The following DGKI variants were observed in gnomAD, a reference collection of about 807,000 sequenced individuals.
DGKI encodes diacylglycerol kinase iota.
In DGKI, 55 loss-of-function variants were observed where a neutral mutation model predicts 147.5. That is an observed-to-expected ratio of 0.37 (90% CI 0.30 to 0.47). The LOEUF (loss-of-function observed/expected upper bound fraction) is 0.47, where lower values mean the gene tolerates loss of function less well. DGKI is among the 20% of genes least tolerant of loss of function. The probability of loss-of-function intolerance (pLI) is 1.00; values close to 1 mark genes in which losing one functional copy is unlikely to be tolerated. For synonymous variants in DGKI, 469 were observed against 477.1 expected (o/e 0.98, Z 0.22); for missense variants, 1,007 against 1,323.8 (o/e 0.76, Z 3.71).
At chr7:137,620,956 A>G (rs1820727987) in intron 7 of DGKI, among the ~76,000 whole-genome samples, 1 of 152,218 alleles carries the variant, frequency 6.6e-6, no homozygotes, top group African/African-American at 2.4e-5. Context: ...AACTGGAACA[A>G]TGTTAAAAGT....
chr7:137,767,314 G>A (rs1275728230), intron 1 of DGKI, among the ~76,000 whole-genome samples: 4 of 151,024 alleles, frequency 2.6e-5, no homozygotes, highest in Admixed American at 2.6e-4. Context: ...AGTGTCACAG[G>A]GGAAAAAAAA....
intron 1 of DGKI, chr7:137,722,088 T>C: frequency 1.3e-6 from 2 of 1,598,184 alleles, no homozygotes; most frequent in Non-Finnish European, 1.7e-6. Flanking sequence ...ACCTCAAGGC[T>C]AAAAAGCCCA....
At chr7:137,562,813 T>C (rs1458072834) in intron 19 of DGKI, among the ~76,000 whole-genome samples, 3 of 152,082 alleles carry the variant, frequency 2.0e-5, no homozygotes, top group Non-Finnish European at 4.4e-5. Context: ...AAATAGTATA[T>C]TAGGAAATTT....
chr7:137,627,755 A>T (rs1270432509), intron 6 of DGKI, among the ~76,000 whole-genome samples: 1 of 152,224 alleles, frequency 6.6e-6, no homozygotes, highest in African/African-American at 2.4e-5. Context: ...TCACCAGGCC[A>T]CCATTCTCTC....
rs777523752 is a variant in DGKI, at chr7:137,412,183, C to T, written c.2786G>A (p.Gly929Asp). Residue 929 changes from glycine (G) to aspartate (D), a missense_variant, in exon 29 of 33, where the codon GGT becomes GAT. By Grantham distance (94) the Gly-to-Asp change is moderately conservative. This residue lies in a region of DGKI where 385 missense variants were observed against 445.2 expected (regional missense o/e 0.86). Transcript: ENST00000614521. ...DHAILQAVIA[G>D]DLMKLIESYK... is the part of the protein sequence containing the mutation. ...AAGATATCTTACCTTCATAAGATCACCAGCTATTACTGCCTGCAAAATTGC... is the reference window on the plus strand; with the variant it reads ...AAGATATCTTACCTTCATAAGATCATCAGCTATTACTGCCTGCAAAATTGC... The T allele has an allele frequency of 1.9e-6, 3 of 1,613,790 alleles. No individual in the cohort carries two copies. Among genetic ancestry groups the T allele is most frequent in the Non-Finnish European group, 8.5e-7 (1 of 1,179,836 alleles).
intron 3 of DGKI, among the ~76,000 whole-genome samples, chr7:137,659,776 CA>C (rs974567732): frequency 1.3e-5 from 2 of 152,064 alleles, no homozygotes; most frequent in Non-Finnish European, 2.9e-5. Context: ...ACTAAAAATA[CA>C]AAAAAATTAG....
chr7:137,552,309 C>G, intron 20 of DGKI, 60 bp downstream of exon 20: 1 of 1,567,874 alleles, frequency 6.4e-7, no homozygotes, highest in Non-Finnish European at 8.7e-7. Context: ...CATGCACATG[C>G]TCTGCACTCT....
At chr7:137,441,826 C>T (rs1301855685) in intron 28 of DGKI, among the ~76,000 whole-genome samples, 1 of 152,144 alleles carries the variant, frequency 6.6e-6, no homozygotes, top group African/African-American at 2.4e-5. Context: ...TTGAGAAAGA[C>T]AAATTGCTAC....
chr7:137,789,172 G>A (rs1414548506), intron 1 of DGKI, among the ~76,000 whole-genome samples: 1 of 152,108 alleles, frequency 6.6e-6, no homozygotes, highest in East Asian at 1.9e-4. Context: ...AAAGGGAGCT[G>A]ATAAAGGACT....
chr7:137,588,024 A>G (rs1255366347), intron 12 of DGKI, among the ~76,000 whole-genome samples: 1 of 152,218 alleles, frequency 6.6e-6, no homozygotes, highest in Non-Finnish European at 1.5e-5. Context: ...GTCATACTAA[A>G]ATAGTGTTTC....
chr7:137,466,429 C>T (rs757072717), intron 25 of DGKI, among the ~76,000 whole-genome samples: 2 of 152,184 alleles, frequency 1.3e-5, no homozygotes, highest in Non-Finnish European at 2.9e-5. Flanking sequence ...CAATACTGTA[C>T]ATTTTTCTCC....
intron 17 of DGKI, 79 bp downstream of exon 17, chr7:137,577,143 T>C (rs1409049432): frequency 2.0e-6 from 2 of 1,004,422 alleles, no homozygotes; most frequent in African/African-American, 1.6e-5. Flanking sequence ...TGATTCAATA[T>C]ATAAACTAAG....
intron 7 of DGKI, 126 bp downstream of exon 7, chr7:137,623,357 C>G: frequency 1.2e-6 from 1 of 854,956 alleles, no homozygotes; most frequent in Admixed American, 1.9e-5. Context: ...TCCAAGGATC[C>G]TATATGAGAA....
At chr7:137,443,801 C>T (rs1813604583) in intron 28 of DGKI, among the ~76,000 whole-genome samples, 1 of 152,160 alleles carries the variant, frequency 6.6e-6, no homozygotes, top group Non-Finnish European at 1.5e-5. Context: ...CACAAAACCA[C>T]AAAAAGTTTC....
At chr7:137,692,759 T>C (rs539311402) in intron 1 of DGKI, among the ~76,000 whole-genome samples, 44 of 152,358 alleles carry the variant, frequency 2.9e-4, no homozygotes, top group Admixed American at 4.6e-4. Context: ...TTTTCTAGCC[T>C]GGGAATAGAA....
At chr7:137,716,894 C>T (rs922936678) in intron 1 of DGKI, among the ~76,000 whole-genome samples, 2 of 152,164 alleles carry the variant, frequency 1.3e-5, no homozygotes, top group South Asian at 2.1e-4. Context: ...TTTTTCCACC[C>T]GTGTTTTTTA....
rs563840323 is a variant in DGKI at position 137,499,218 on chromosome 7, TATCCCAGTAGAAC to T, written c.2249-11542_2249-11530del. Among the ~76,000 whole-genome samples, 5 of 152,350 alleles carry T rather than the reference TATCCCAGTAGAAC, an allele frequency of 3.3e-5. No individual in the cohort carries two copies. The South Asian group carries it at 1.0e-3, about 32-fold the overall frequency. On this transcript the variant is annotated intron_variant, in intron 21 of 32. Coordinates refer to ENST00000614521, the MANE Select transcript of DGKI (RefSeq NM_001321708.2). ...TGGCAAATACAACGAGTAAAGTAGTTATCCCAGTAGAACAGTGAGGGGTGGTACTTGTTCTATT... is the reference window on the plus strand; with the variant it reads ...TGGCAAATACAACGAGTAAAGTAGTTAGTGAGGGGTGGTACTTGTTCTATT...
chr7:137,540,281 G>A (rs1378323806), intron 20 of DGKI, among the ~76,000 whole-genome samples: 1 of 152,040 alleles, frequency 6.6e-6, no homozygotes, highest in Non-Finnish European at 1.5e-5. Flanking sequence ...CCTAATATCA[G>A]AAAGAAAGCA....
At chr7:137,572,945 G>T in intron 17 of DGKI, 107 bp from the exon 18 acceptor site, 1 of 732,764 alleles carries the variant, frequency 1.4e-6, no homozygotes, top group Non-Finnish European at 2.2e-6. Flanking sequence ...CTTTCTCCTT[G>T]CCCTATCTCT....
Sources: gnomAD v4.1 joint callset for allele counts (sites outside exome capture counted in the v4.1 genomes callset) on GRCh38, gnomAD v4.1.1 for gene constraint, gnomAD v4.1.1 regional missense constraint, MANE v1.5 for transcripts, NCBI Gene and HGNC (gene_info 2026-07-23, HGNC 2026-07-21) for gene names.